FGFR1: variants seen among roughly 807,000 people sequenced by gnomAD.
The protein encoded by FGFR1 is FGFR1/PLAG1 fusion.
In FGFR1, 18 loss-of-function variants were observed where a neutral mutation model predicts 93.7. The observed-to-expected ratio is 0.19, with a 90% CI of 0.13 to 0.28. The LOEUF (loss-of-function observed/expected upper bound fraction) is 0.28, where lower values mean the gene tolerates loss of function less well. FGFR1 is among the 10% of genes least tolerant of loss of function. The pLI is 1.00. For missense variants in FGFR1, 731 were observed against 1,080.4 expected, an observed-to-expected ratio of 0.68 and a Z score of 4.53; for synonymous variants, 448 against 429.3, an observed-to-expected ratio of 1.04 and a Z score of -0.54.
intron 2 of FGFR1, among the ~76,000 whole-genome samples, chr8:38,439,203 G>C (rs1826492636): frequency 6.6e-6 from 1 of 152,136 alleles, no homozygotes; most frequent in Non-Finnish European, 1.5e-5. Context: ...GCATCTGCTG[G>C]GTCCTGGCCC....
At chr8:38,428,252 G>A in intron 4 of FGFR1, 94 bp downstream of exon 4, 7 of 1,477,924 alleles carry the variant, frequency 4.7e-6, no homozygotes, top group Non-Finnish European at 6.6e-6. Context: ...GTGACCCCAT[G>A]TGCCCTCCTC....
intron 2 of FGFR1, among the ~76,000 whole-genome samples, chr8:38,452,693 T>C (rs1335248683): frequency 6.6e-6 from 1 of 151,778 alleles, no homozygotes; most frequent in Non-Finnish European, 1.5e-5. Context: ...AACAGCAGCA[T>C]TGGCCAGGCA....
chr8:38,464,824 T>A lies in FGFR1; in HGVS notation c.-89+3157A>T, dbSNP rs577513670. ...AACAGGCTCAAACTTTGCTAGGATGTTCTATAACTAACAGCCATTTTGACG... is the reference window on the plus strand; with the variant it reads ...AACAGGCTCAAACTTTGCTAGGATGATCTATAACTAACAGCCATTTTGACG... On this transcript the variant is annotated intron_variant, in intron 1 of 17. Transcript: ENST00000447712. 6.6e-5 allele frequency among the ~76,000 whole-genome samples: 10 copies of A among 152,330 alleles called. No homozygotes were observed. In the South Asian group the frequency reaches 1.9e-3, roughly 28 times the overall value.
intron 2 of FGFR1, among the ~76,000 whole-genome samples, chr8:38,442,904 C>A (rs1828005740): frequency 6.6e-6 from 1 of 152,234 alleles, no homozygotes; most frequent in South Asian, 2.1e-4. Flanking sequence ...CCCCGCAATC[C>A]CGTCTCATTC....
rs1820198471 is a variant in FGFR1, at chr8:38,424,935, T to C, written c.746-236A>G. On this transcript the variant is annotated intron_variant, in intron 6 of 17. Transcript: ENST00000447712. This position sits in a 1 kb window ranked among gnomAD's most constrained non-coding sequence, Gnocchi z 4.3. ...TCATCATATTTACAGTCACAGTAAG[T>C]CGCTCATGCTTTAATGGAGAACCTT... Among the ~76,000 whole-genome samples the C allele has an allele frequency of 6.6e-6, 1 of 152,184 alleles. No individual in the cohort carries two copies. The highest frequency in any genetic ancestry group is 2.4e-5 in the African/African-American group (1 of 41,444).
chr8:38,413,541 A>G lies in FGFR1; in HGVS notation c.*87T>C. The stretch of plus-strand genomic sequence containing the variant: ...GGCTCCTGCCAGCAGGAAAGGGGAC[A>G]GGGACGGACAGGTGGTGGGCCCAGC... On this transcript the variant is annotated 3_prime_UTR_variant, in exon 18 of 18. Coordinates refer to ENST00000447712, the MANE Select transcript of FGFR1 (RefSeq NM_023110.3). The surrounding 1 kb of genome is among the most constrained non-coding windows in gnomAD (Gnocchi z 4.2). 7 of 1,431,412 alleles carry G rather than the reference A, an allele frequency of 4.9e-6. No individual in the cohort carries two copies. The highest frequency in any genetic ancestry group is 6.6e-6 in the Non-Finnish European group (7 of 1,057,390). 88.7% of individuals were successfully genotyped at this position (1,431,412 alleles called of 1,614,324 possible).
rs1586371273 is a variant in FGFR1, at chr8:38,429,596, A to G, written c.358+86T>C. 7.2e-7 allele frequency: 1 copy of G among 1,383,166 alleles called. No homozygotes were observed. The highest frequency in any genetic ancestry group is 9.9e-7 in the Non-Finnish European group (1 of 1,009,158). 85.7% of individuals were successfully genotyped at this position (1,383,166 alleles called of 1,614,324 possible). A position where few individuals can be genotyped will look rare whatever the true frequency, so the allele number is the denominator to read the frequency against. ...GAGTGGGGGCAGATCACGGAGGGGG[A>G]GGAGGTTCACCTTCCTCTGAAACTG... On this transcript the variant is annotated intron_variant, in intron 3 of 17. Transcript: ENST00000447712. This position sits in a 1 kb window ranked among gnomAD's most constrained non-coding sequence, Gnocchi z 4.4.
chr8:38,413,865 C>A lies in FGFR1; in HGVS notation c.2292+53G>T, dbSNP rs376538647. 16 of 1,611,448 alleles carry A rather than the reference C, an allele frequency of 9.9e-6. No individual in the cohort carries two copies. In the South Asian group the frequency reaches 1.1e-4, roughly 11 times the overall value. On this transcript the variant is annotated intron_variant, in intron 17 of 17. Coordinates refer to ENST00000447712, the MANE Select transcript of FGFR1 (RefSeq NM_023110.3). The surrounding 1 kb of genome is among the most constrained non-coding windows in gnomAD (Gnocchi z 4.2). ...CCCCTCCTCCCTGCTCAGGGAGGTG[C>A]GTGCACGCAGTGGGGACGGCCTGAG... is the stretch of plus-strand genomic sequence containing the variant.
At chr8:38,418,968 T>C (rs1023088473) in intron 9 of FGFR1, among the ~76,000 whole-genome samples, 1 of 152,182 alleles carries the variant, frequency 6.6e-6, no homozygotes, top group Non-Finnish European at 1.5e-5. Context: ...GTTCTTGTGA[T>C]AGTGAATAAA....
chr8:38,442,416 GGGAGCTCAGACTCTCCCACCACTGGCCC>G (rs1827845049), intron 2 of FGFR1, among the ~76,000 whole-genome samples: 1 of 145,904 alleles, frequency 6.9e-6, no homozygotes, highest in Non-Finnish European at 1.5e-5. Flanking sequence ...ACTGCTGGAG[GGGAGCTCAGACTCTCCCACCACTGGCCC>G]GGAGCCCAGG....
intron 14 of FGFR1, 41 bp from the exon 15 acceptor site, chr8:38,414,670 G>C: frequency 4.3e-6 from 7 of 1,613,458 alleles, no homozygotes; most frequent in Non-Finnish European, 5.9e-6. Flanking sequence ...CCCCAGGCAG[G>C]GCCATGAGGG....
At chr8:38,462,405 G>A (rs1834602921) in intron 1 of FGFR1, among the ~76,000 whole-genome samples, 1 of 151,824 alleles carries the variant, frequency 6.6e-6, no homozygotes, top group South Asian at 2.1e-4. Context: ...TCAGGAGGCT[G>A]AGGCAGGAGA....
At chr8:38,450,982 C>G (rs993274752) in intron 2 of FGFR1, among the ~76,000 whole-genome samples, 2 of 152,180 alleles carry the variant, frequency 1.3e-5, no homozygotes, top group South Asian at 2.1e-4. Context: ...CTTGCAAACA[C>G]CCCTTCCAGG....
chr8:38,418,304 TGGA>T lies in FGFR1; in HGVS notation c.1351_1353del (p.Ser452del), dbSNP rs773420093. The T allele has an allele frequency of 1.9e-6, 3 of 1,614,172 alleles. No individual in the cohort carries two copies. The East Asian group carries it at 6.7e-5, about 36-fold the overall frequency. On this transcript the variant is annotated inframe_deletion, in exon 10 of 18. Transcript: ENST00000447712. ...ACCCCTGCTAGCATGGGAGTCCCAC[TGGA>T]GGAGAGCCGTGATGGCCGAACCAGA...
Position 38,412,583 on chromosome 8 carries a change from C to T in FGFR1, c.*1045G>A, listed in dbSNP as rs1335864444. On this transcript the variant is annotated 3_prime_UTR_variant, in exon 18 of 18. Transcript: ENST00000447712. ...AGAGGCAGGAGGTGCGTCGTGAGGT[C>T]TGGGTGCAGGACCTAGGAAGAAGAG... 2.6e-5 allele frequency: 6 copies of T among 233,434 alleles called. No homozygotes were observed. Among genetic ancestry groups the T allele is most frequent in the Non-Finnish European group, 4.2e-5 (5 of 118,018 alleles). 14.5% of individuals were successfully genotyped at this position (233,434 alleles called of 1,614,324 possible).
intron 2 of FGFR1, among the ~76,000 whole-genome samples, chr8:38,442,436 C>G (rs1331903677): frequency 6.6e-6 from 1 of 150,582 alleles, no homozygotes; most frequent in Admixed American, 6.7e-5. Context: ...ACTCTCCCAC[C>G]ACTGGCCCGG....
In FGFR1 at chr8:38,426,105, T is replaced by G. The variant is rs777688062; in HGVS notation, c.745+17A>C. 6.2e-7 allele frequency: 1 copy of G among 1,614,136 alleles called. No homozygotes were observed. The highest frequency in any genetic ancestry group is 1.1e-5 in the South Asian group (1 of 91,082). On this transcript the variant is annotated intron_variant, in intron 6 of 17. Transcript: ENST00000447712. This position sits in a 1 kb window ranked among gnomAD's most constrained non-coding sequence, Gnocchi z 4.1. ...TTCCCACTAAACTCATTCCTCCTGC[T>G]GCCTCTGCCCTCTTACCCACGACAT...
Position 38,429,672 on chromosome 8 carries a change from G to T in FGFR1, c.358+10C>A, listed in dbSNP as rs1445995347. On this transcript the variant is annotated intron_variant, in intron 3 of 17. Transcript: ENST00000447712. The surrounding 1 kb of genome is among the most constrained non-coding windows in gnomAD (Gnocchi z 4.4). ...CTAGGGAGGGGCAAGGGCAGGGCTT[G>T]GCTACCAACCTGAAACATTGACGGA... 6.4e-7 allele frequency: 1 copy of T among 1,561,754 alleles called. No individual in the cohort carries two copies. The highest frequency in any genetic ancestry group is 8.7e-7 in the Non-Finnish European group (1 of 1,152,558).
In FGFR1 at chr8:38,417,241, G is replaced by T. The variant is rs17176016; in HGVS notation, c.1663+65C>A. The T allele has an allele frequency of 9.5e-4, 1,226 of 1,291,162 alleles. 9 individuals are homozygous for T. In the African/African-American group the frequency reaches 0.015, roughly 16 times the overall value. The allele number at this position is 1,291,162 out of a possible 1,614,324, so 80.0% of individuals were successfully genotyped here. A position where few individuals can be genotyped will look rare whatever the true frequency, so the allele number is the denominator to read the frequency against. On this transcript the variant is annotated intron_variant, in intron 12 of 17. Coordinates refer to ENST00000447712, the MANE Select transcript of FGFR1 (RefSeq NM_023110.3). ...TAGCTGTGGCTGAGAGAGGCCTTGG[G>T]ACTGATACCCCAGCTCAGATCTTCT...
Sources: allele counts gnomAD v4.1 joint callset (sites outside exome capture counted in the v4.1 genomes callset), GRCh38; gene constraint gnomAD v4.1.1; non-coding constraint Gnocchi (gnomAD v3.1); transcripts MANE v1.5; gene names NCBI Gene and HGNC (gene_info 2026-07-23, HGNC 2026-07-21).